The following DAAM2 variants were observed in gnomAD, a reference collection of about 807,000 sequenced individuals.
The protein encoded by DAAM2 is disheveled-associated activator of morphogenesis 2.
Under a neutral mutation model 120.7 loss-of-function variants are expected in DAAM2, and 39 were observed. The observed-to-expected ratio is 0.32, with a 90% CI of 0.25 to 0.42. DAAM2 has a LOEUF of 0.42. Ranked by LOEUF, DAAM2 falls within the 10% of genes least tolerant of loss-of-function variation. The probability of loss-of-function intolerance (pLI) is 1.00; values close to 1 mark genes in which losing one functional copy is unlikely to be tolerated. For missense variants in DAAM2, 1,283 were observed against 1,401.7 expected (o/e 0.92, Z 1.35); for synonymous variants, 488 against 524.9 (o/e 0.93, Z 0.96).
chr6:39,836,641 G>A (rs1392454266), intron 1 of DAAM2, among the ~76,000 whole-genome samples: 1 of 152,144 alleles, frequency 6.6e-6, no homozygotes, highest in African/African-American at 2.4e-5. Context: ...TCTGGGGTGG[G>A]GCCCAGCAAT....
In DAAM2 at chr6:39,873,288, G is replaced by C; in HGVS notation, c.1095G>C (p.Lys365Asn). 1 of 1,613,660 alleles carries C rather than the reference G, an allele frequency of 6.2e-7. No individual in the cohort carries two copies. The highest frequency in any genetic ancestry group is 8.5e-7 in the Non-Finnish European group (1 of 1,179,820). The change falls in exon 10 of 25, where the codon AAG becomes AAC. Residue 365 changes from lysine (K) to asparagine (N), a missense_variant. Lys to Asn is a moderately conservative substitution (Grantham distance 94, BLOSUM62 0). Around this residue, in one of 3 missense-constraint regions of DAAM2, gnomAD observed 338 missense variants for 443.9 expected, o/e 0.76. Coordinates refer to ENST00000274867, the MANE Select transcript of DAAM2 (RefSeq NM_001201427.2). ...CCCAGATGTTTGAGTTGATCCACAAGAAGCTGAAGTACACGGAGGCCTACC... is the reference window on the plus strand; with the variant it reads ...CCCAGATGTTTGAGTTGATCCACAACAAGCTGAAGTACACGGAGGCCTACC... ...SASQMFELIH[K>N]KLKYTEAYPC...
At chr6:39,836,839 G>A (rs533233698) in intron 1 of DAAM2, among the ~76,000 whole-genome samples, 4 of 152,346 alleles carry the variant, frequency 2.6e-5, no homozygotes, top group Middle Eastern at 3.4e-3. Context: ...TAGAGGGCAA[G>A]ATACTCAAGT....
intron 1 of DAAM2, among the ~76,000 whole-genome samples, chr6:39,844,365 C>G (rs1030983059): frequency 1.3e-5 from 2 of 150,980 alleles, no homozygotes; most frequent in African/African-American, 4.9e-5. Context: ...CCAGTTACAT[C>G]TGCTGGACAC....
At position 39,878,547 on chromosome 6, in the gene DAAM2, G is replaced by A. The variant is rs781627246; in HGVS notation, c.1504G>A (p.Gly502Arg). Residue 502 changes from glycine (G) to arginine (R), a missense_variant, in exon 13 of 25, where the codon GGA (glycine) becomes AGA (arginine). Gly to Arg is a moderately radical substitution (Grantham distance 125). This residue lies in a region of DAAM2 where 748 missense variants were observed against 768.6 expected (regional missense o/e 0.97). Coordinates refer to ENST00000274867, the MANE Select transcript of DAAM2 (RefSeq NM_001201427.2). The surrounding 1 kb of genome is among the most constrained non-coding windows in gnomAD (Gnocchi z 5.0). Reference sequence around the variant, plus strand: ...GTCCCAGGAGCTGCGCCAGGCTCGGGGACAAGTGGCAGAGCTGGTAGCCCA... The same window carrying A: ...GTCCCAGGAGCTGCGCCAGGCTCGGAGACAAGTGGCAGAGCTGGTAGCCCA... ...RESQELRQAR[G>R]QVAELVAQLS... 4 of 1,609,672 alleles carry A rather than the reference G, an allele frequency of 2.5e-6. No homozygotes were observed. The highest frequency in any genetic ancestry group is 3.4e-6 in the Non-Finnish European group (4 of 1,178,116).
intron 1 of DAAM2, among the ~76,000 whole-genome samples, chr6:39,852,435 AGG>A (rs1250062643): frequency 4.6e-5 from 7 of 152,172 alleles, no homozygotes; most frequent in Non-Finnish European, 8.8e-5. Flanking sequence ...GCCTAGAGGA[AGG>A]CAGAGCTGGG....
In DAAM2 at chr6:39,895,730, C is replaced by A. The variant is rs541712766; in HGVS notation, c.2342-1082C>A. On this transcript the variant is annotated intron_variant, in intron 19 of 24. Transcript: ENST00000274867. ...CAAAATCTCAGTTTAGGATTTGTGT[C>A]CCCCTTCTGCACACCCACCATAAAG... 5.3e-5 allele frequency among the ~76,000 whole-genome samples: 8 copies of A among 152,262 alleles called. No homozygotes were observed. The East Asian group carries it at 1.5e-3, about 29-fold the overall frequency.
intron 19 of DAAM2, 147 bp downstream of exon 19, chr6:39,891,869 A>C: frequency 1.6e-6 from 1 of 644,660 alleles, no homozygotes; most frequent in Admixed American, 3.0e-5. Context: ...CAAAATCTAA[A>C]ATGATGATTA....
chr6:39,861,181 G>C (rs771560808), intron 3 of DAAM2, 164 bp downstream of exon 3: 4 of 701,930 alleles, frequency 5.7e-6, no homozygotes, highest in Non-Finnish European at 1.0e-5. Context: ...AAATTCTGCT[G>C]TCCTGGAGCT....
At chr6:39,888,345 G>A (rs540115739) in intron 16 of DAAM2, 20 of 173,840 alleles carry the variant, frequency 1.2e-4, no homozygotes, top group South Asian at 9.6e-4. Flanking sequence ...TTTTAAGCAT[G>A]AGGAGGAGGA....
intron 1 of DAAM2, among the ~76,000 whole-genome samples, chr6:39,804,058 T>A (rs1761941225): frequency 6.6e-6 from 1 of 152,194 alleles, no homozygotes; most frequent in Admixed American, 6.5e-5. Flanking sequence ...TCAGTGGGGC[T>A]GTGTGGGTTA....
At position 39,867,692 on chromosome 6, in the gene DAAM2, T is replaced by C. The variant is rs1339754025; in HGVS notation, c.611T>C (p.Ile204Thr). The C allele has an allele frequency of 1.2e-6, 2 of 1,613,912 alleles. No homozygotes were observed. Among genetic ancestry groups the C allele is most frequent in the African/African-American group, 1.3e-5 (1 of 74,946 alleles). Residue 204 changes from isoleucine (I) to threonine (T), a missense_variant, in exon 6 of 25, where the codon ATA becomes ACA. Physicochemically the swap from Ile to Thr is moderately conservative, Grantham distance 89 (BLOSUM62 -1). Transcript: ENST00000274867. ...VLAQPEAIST[I>T]AQSLRTENSK... ...GCACAGCCTGAGGCCATTAGTACCA[T>C]AGCCCAGAGCCTACGCACAGAGAAC...
chr6:39,879,338 C>A lies in DAAM2; in HGVS notation c.1706C>A (p.Pro569Gln). 6.2e-7 allele frequency: 1 copy of A among 1,608,550 alleles called. No homozygotes were observed. Among genetic ancestry groups the A allele is most frequent in the Non-Finnish European group, 8.5e-7 (1 of 1,176,132 alleles). The stretch of plus-strand genomic sequence containing the variant: ...CCTCCCGGGGGACCCCCGACTCCCC[C>A]AGGTGCCCCACCTTGCCTCGGCATG... ...PLPPGGPPTP[P>Q]GAPPCLGMGL... Residue 569 changes from proline (P) to glutamine (Q), a missense_variant, in exon 14 of 25, where the codon CCA (proline) becomes CAA (glutamine). By Grantham distance (76) the Pro-to-Gln change is moderately conservative (BLOSUM62 -1). Transcript: ENST00000274867.
At chr6:39,864,919 C>G (rs775187998) in intron 4 of DAAM2, 61 bp from the exon 5 acceptor site, 84 of 1,556,336 alleles carry the variant, frequency 5.4e-5, no homozygotes, top group Non-Finnish European at 7.1e-5. Flanking sequence ...CTGGGTCACA[C>G]CTGAGCTGTA....
chr6:39,887,750 G>C lies in DAAM2; in HGVS notation c.2060+158G>C. ...TCTCGGGAACCTGCCTTGAGCAGCA[G>C]TTTGGGGCTCTGCAGGCAGGAAACT... On this transcript the variant is annotated intron_variant, in intron 16 of 24. Transcript: ENST00000274867. 5.2e-6 allele frequency: 3 copies of C among 580,766 alleles called. No individual in the cohort carries two copies. In the South Asian group the frequency reaches 5.9e-5, roughly 11 times the overall value. The allele number at this position is 580,766 out of a possible 1,614,324, so 36.0% of individuals were successfully genotyped here. A position where few individuals can be genotyped will look rare whatever the true frequency, so the allele number is the denominator to read the frequency against.
chr6:39,798,768 G>T (rs9471169), intron 1 of DAAM2, among the ~76,000 whole-genome samples: 2,692 of 152,098 alleles, frequency 0.018, 81 homozygotes, highest in African/African-American at 0.06. Flanking sequence ...ATCCTCCAAG[G>T]CCTGCTCAGG....
intron 1 of DAAM2, among the ~76,000 whole-genome samples, chr6:39,824,294 G>A (rs1762590916): frequency 6.6e-6 from 1 of 152,200 alleles, no homozygotes; most frequent in Non-Finnish European, 1.5e-5. Flanking sequence ...TAGAGCCCGT[G>A]CCCCAGCAGG....
chr6:39,870,478 G>A (rs1398473408), intron 8 of DAAM2, 35 bp downstream of exon 8: 1 of 1,330,510 alleles, frequency 7.5e-7, no homozygotes, highest in Non-Finnish European at 1.1e-6. Flanking sequence ...TTGCAAACCT[G>A]TGGGGACAGT....
intron 5 of DAAM2, among the ~76,000 whole-genome samples, chr6:39,865,963 T>C (rs1764413038): frequency 6.6e-6 from 1 of 152,226 alleles, no homozygotes; most frequent in Non-Finnish European, 1.5e-5. Context: ...TATCTGTAGC[T>C]TGAAATTGGC....
chr6:39,845,257 C>T (rs1406070724), intron 1 of DAAM2, among the ~76,000 whole-genome samples: 2 of 150,224 alleles, frequency 1.3e-5, no homozygotes, highest in African/African-American at 4.9e-5. Flanking sequence ...ACATATCGCA[C>T]ATACACACCA....
Sources: allele counts gnomAD v4.1 joint callset (sites outside exome capture counted in the v4.1 genomes callset), GRCh38; gene constraint gnomAD v4.1.1; regional missense constraint gnomAD v4.1.1; non-coding constraint Gnocchi (gnomAD v3.1); transcripts MANE v1.5; gene names NCBI Gene and HGNC (gene_info 2026-07-23, HGNC 2026-07-21).